POTEE: variants seen among roughly 807,000 people sequenced by gnomAD.
POTEE encodes the protein POTE ankyrin domain family member E.
In POTEE, 21 loss-of-function variants were observed where a neutral mutation model predicts 74.2. The observed-to-expected ratio is 0.28, with a 90% confidence interval of 0.20 to 0.41. The LOEUF (loss-of-function observed/expected upper bound fraction) is 0.41. Among genes scored for constraint, POTEE ranks in the 10% least tolerant of loss-of-function variants. The pLI, the probability that POTEE is intolerant of heterozygous loss-of-function variation, is 1.00. For synonymous variants in POTEE, 211 were observed against 432.8 expected, an observed-to-expected ratio of 0.49 and a Z score of 6.36; for missense variants, 525 against 1,158.6, an observed-to-expected ratio of 0.45 and a Z score of 7.94.
At chr2:131,263,039 G>C (rs1266272641) in intron 17 of POTEE, among the ~76,000 whole-genome samples, 1 of 150,856 alleles carries the variant, frequency 6.6e-6, no homozygotes, top group African/African-American at 2.4e-5. Context: ...TCAGAAAAAG[G>C]CTTTTTTAAT....
chr2:131,230,829 T>C lies in POTEE; in HGVS notation c.1056-7T>C. 1 of 1,489,792 alleles carries C rather than the reference T, an allele frequency of 6.7e-7. No homozygotes were observed. The highest frequency in any genetic ancestry group is 2.4e-5 in the East Asian group (1 of 41,072). The allele number at this position is 1,489,792 out of a possible 1,614,324, so 92.3% of individuals were successfully genotyped here. ...AGTAATTTGGTTTATTACATTTTTA[T>C]ACATAGAATTTGCCAGTTACTTTCT... On this transcript the variant is annotated splice_polypyrimidine_tract_variant and splice_region_variant and intron_variant, in intron 8 of 17. Transcript: ENST00000683005.
chr2:131,254,906 CCTT>C (rs1701547507), intron 16 of POTEE, among the ~76,000 whole-genome samples: 2 of 151,814 alleles, frequency 1.3e-5, no homozygotes, highest in Non-Finnish European at 2.9e-5. Context: ...GAAATATTCT[CCTT>C]GAGAGTTTTA....
chr2:131,231,512 G>T (rs954614103), intron 9 of POTEE, among the ~76,000 whole-genome samples: 4 of 152,106 alleles, frequency 2.6e-5, no homozygotes, highest in Admixed American at 1.3e-4. Context: ...AGGAATTTTT[G>T]ATCACAAAAG....
chr2:131,262,955 A>G (rs1291812237), intron 17 of POTEE, among the ~76,000 whole-genome samples: 1 of 151,924 alleles, frequency 6.6e-6, no homozygotes, highest in African/African-American at 2.4e-5. Context: ...GTTAGATATC[A>G]GAGTGTAAAC....
At chr2:131,221,349 GA>G (rs1260211167) in intron 4 of POTEE, among the ~76,000 whole-genome samples, 2 of 152,116 alleles carry the variant, frequency 1.3e-5, no homozygotes, top group Non-Finnish European at 2.9e-5. Flanking sequence ...TAACAAGTGA[GA>G]AAAAAATCAG....
At chr2:131,231,929 G>A (rs1262619905) in intron 9 of POTEE, among the ~76,000 whole-genome samples, 1 of 152,088 alleles carries the variant, frequency 6.6e-6, no homozygotes, top group East Asian at 1.9e-4. Context: ...ATAAGTTGCA[G>A]GAGACAAAGA....
chr2:131,215,748 GA>G (rs1448025251), intron 2 of POTEE, among the ~76,000 whole-genome samples: 2 of 136,352 alleles, frequency 1.5e-5, no homozygotes, highest in African/African-American at 5.7e-5. Context: ...ATAACAACTA[GA>G]CCAAGAGAAA....
chr2:131,226,772 A>T lies in POTEE; in HGVS notation c.811-51A>T, dbSNP rs200352098. On this transcript the variant is annotated intron_variant, in intron 6 of 17. Transcript: ENST00000683005. ...CATAAAGTTTCCACTTTGGTTGAGG[A>T]ATATGTACTTTTTTGAATTACATAG... 1.3e-3 allele frequency: 2,152 copies of T among 1,609,794 alleles called. 2 individuals carry two copies. Among genetic ancestry groups the T allele is most frequent in the Non-Finnish European group, 1.8e-3 (2,099 of 1,178,764 alleles).
intron 4 of POTEE, among the ~76,000 whole-genome samples, chr2:131,220,099 A>G (rs191200273): frequency 0.014 from 2,175 of 152,074 alleles, 64 homozygotes; most frequent in African/African-American, 0.05. Flanking sequence ...CTAGATTTTT[A>G]TGTCACAAAA....
chr2:131,235,316 A>G (rs1221433055), intron 9 of POTEE, among the ~76,000 whole-genome samples: 1 of 152,156 alleles, frequency 6.6e-6, no homozygotes. Flanking sequence ...ATGATGCTCA[A>G]GACTGTCCTC....
At chr2:131,213,337 AC>A (rs1307399604) in intron 2 of POTEE, among the ~76,000 whole-genome samples, 8 of 150,126 alleles carry the variant, frequency 5.3e-5, no homozygotes, top group African/African-American at 2.0e-4. Flanking sequence ...TTAGGTGTGA[AC>A]TTTTTATCTT....
intron 8 of POTEE, chr2:131,229,479 AT>A (rs1381205777): frequency 6.6e-6 from 1 of 152,190 alleles, no homozygotes; most frequent in African/African-American, 2.4e-5. Context: ...ATTTTAAGAT[AT>A]TTTCAAACTC....
intron 6 of POTEE, among the ~76,000 whole-genome samples, chr2:131,226,056 C>A (rs945739983): frequency 2.6e-5 from 4 of 152,106 alleles, no homozygotes; most frequent in African/African-American, 9.7e-5. Flanking sequence ...TCGTTAAGAG[C>A]AGAGTTTTCT....
At chr2:131,235,580 G>C (rs1449386044) in intron 9 of POTEE, among the ~76,000 whole-genome samples, 1 of 151,840 alleles carries the variant, frequency 6.6e-6, no homozygotes, top group African/African-American at 2.4e-5. Flanking sequence ...CAGATCACAA[G>C]GTCAAAAGAT....
rs148219149 is a variant in POTEE at position 131,215,211 on chromosome 2, A to C, written c.-188-2378A>C. Among the ~76,000 whole-genome samples the C allele has an allele frequency of 3.0e-3, 456 of 152,250 alleles. 2 individuals carry two copies. The highest frequency in any genetic ancestry group is 0.01 in the African/African-American group (424 of 41,546). ...AATGCTATCTCAAGTATTTTTAATC[A>C]TTTAAACGTTAGATAATAGATATGT... On this transcript the variant is annotated intron_variant, in intron 2 of 17. Transcript: ENST00000683005.
intron 10 of POTEE, among the ~76,000 whole-genome samples, chr2:131,237,761 G>C (rs1394967894): frequency 6.6e-6 from 1 of 152,266 alleles, no homozygotes; most frequent in African/African-American, 2.4e-5. Context: ...GTGCACTGTA[G>C]GGGCTCACTA....
intron 4 of POTEE, among the ~76,000 whole-genome samples, chr2:131,219,537 A>G (rs1476423777): frequency 1.3e-5 from 2 of 152,128 alleles, no homozygotes; most frequent in African/African-American, 2.4e-5. Context: ...GATCGAGACC[A>G]TCCTGGCTAA....
chr2:131,237,242 G>A (rs1283902621), intron 10 of POTEE, among the ~76,000 whole-genome samples: 3 of 150,350 alleles, frequency 2.0e-5, no homozygotes, highest in African/African-American at 7.3e-5. Context: ...TATGAACAAT[G>A]TAACTCTGAT....
intron 2 of POTEE, among the ~76,000 whole-genome samples, chr2:131,212,163 T>C (rs2105057253): frequency 6.6e-6 from 1 of 151,978 alleles, no homozygotes; most frequent in East Asian, 1.9e-4. Context: ...CTTTACTATG[T>C]TTTAGGGATG....
Sources: allele counts gnomAD v4.1 joint callset (sites outside exome capture counted in the v4.1 genomes callset), GRCh38; gene constraint gnomAD v4.1.1; transcripts MANE v1.5; gene names NCBI Gene and HGNC (gene_info 2026-07-23, HGNC 2026-07-21).